The following WDFY4 variants were observed in gnomAD, a reference collection of about 807,000 sequenced individuals.
The protein encoded by WDFY4 is WD repeat- and FYVE domain-containing protein 4.
In WDFY4, 169 loss-of-function variants were observed where a neutral mutation model predicts 351.9. The observed-to-expected ratio is 0.48, with a 90% CI of 0.42 to 0.55. The LOEUF (loss-of-function observed/expected upper bound fraction) is 0.55. Ranked by LOEUF, WDFY4 falls within the 20% of genes least tolerant of loss-of-function variation. The probability of loss-of-function intolerance (pLI) is 0.00; values close to 1 mark genes in which losing one functional copy is unlikely to be tolerated. For synonymous variants in WDFY4, 1,622 were observed against 1,574.6 expected, an observed-to-expected ratio of 1.03 and a Z score of -0.71; for missense variants, 3,803 against 3,935.6, an observed-to-expected ratio of 0.97 and a Z score of 0.90.
intron 31 of WDFY4, among the ~76,000 whole-genome samples, chr10:48,816,426 G>A (rs1352196040): frequency 1.3e-5 from 2 of 152,174 alleles, no homozygotes; most frequent in South Asian, 4.1e-4. Flanking sequence ...ATTTTCTAAT[G>A]TCCATGTGGT....
intron 43 of WDFY4, 116 bp downstream of exon 43, chr10:48,877,315 T>G: frequency 1.0e-6 from 1 of 994,502 alleles, no homozygotes; most frequent in South Asian, 1.7e-5. Context: ...CCATTTGCTA[T>G]GAAAACTTTC....
chr10:48,953,407 G>A (rs565265303), intron 51 of WDFY4, among the ~76,000 whole-genome samples: 2 of 150,286 alleles, frequency 1.3e-5, no homozygotes, highest in East Asian at 4.0e-4. Flanking sequence ...ATAGACAAGG[G>A]CATGGGCGGT....
At chr10:48,735,289 A>G (rs2064618263) in intron 10 of WDFY4, among the ~76,000 whole-genome samples, 1 of 152,240 alleles carries the variant, frequency 6.6e-6, no homozygotes, top group African/African-American at 2.4e-5. Flanking sequence ...AAACAAAAAT[A>G]TATCACCTGT....
chr10:48,805,027 G>GA (rs1046917515), intron 25 of WDFY4, among the ~76,000 whole-genome samples: 37 of 152,098 alleles, frequency 2.4e-4, no homozygotes, highest in Non-Finnish European at 5.9e-5. Context: ...GTTTGTCTTT[G>GA]AAGGTGGTTT....
chr10:48,687,715 A>G (rs1267606049), intron 1 of WDFY4, among the ~76,000 whole-genome samples: 2 of 150,516 alleles, frequency 1.3e-5, no homozygotes, highest in South Asian at 2.1e-4. Flanking sequence ...CCCAGGTTCA[A>G]GCAATTATCC....
In WDFY4 at chr10:48,888,680, G is replaced by C. The variant is rs7079270; in HGVS notation, c.7168-1899G>C. Among the ~76,000 whole-genome samples the C allele has an allele frequency of 5.9e-3, 893 of 152,266 alleles. 9 individuals carry two copies. Among genetic ancestry groups the C allele is most frequent in the African/African-American group, 0.021 (857 of 41,546 alleles). ...ATCTTAGCCGTACTGACCACTTTCTGTTCCCCAAATCAGCCCTTCCTGCCT... is the reference window on the plus strand; with the variant it reads ...ATCTTAGCCGTACTGACCACTTTCTCTTCCCCAAATCAGCCCTTCCTGCCT... On this transcript the variant is annotated intron_variant, in intron 43 of 61. Coordinates refer to ENST00000325239, the MANE Select transcript of WDFY4 (RefSeq NM_001394531.1).
intron 39 of WDFY4, 94 bp downstream of exon 39, chr10:48,832,803 G>T (rs929845940): frequency 3.4e-5 from 47 of 1,391,844 alleles, no homozygotes; most frequent in Non-Finnish European, 4.2e-5. Context: ...TACTAGACAT[G>T]ATCTAACTCC....
At chr10:48,754,091 C>G (rs1320939857) in intron 12 of WDFY4, among the ~76,000 whole-genome samples, 6 of 152,038 alleles carry the variant, frequency 3.9e-5, no homozygotes, top group African/African-American at 1.4e-4. Flanking sequence ...GTTGAACCAC[C>G]CTTGCATTTC....
At chr10:48,864,010 C>T (rs1564427937) in intron 39 of WDFY4, among the ~76,000 whole-genome samples, 1 of 152,172 alleles carries the variant, frequency 6.6e-6, no homozygotes, top group Non-Finnish European at 1.5e-5. Context: ...GTTGCCTCCA[C>T]CTGGTCTCCC....
intron 45 of WDFY4, among the ~76,000 whole-genome samples, chr10:48,899,647 G>C (rs1033037006): frequency 1.3e-5 from 2 of 152,032 alleles, no homozygotes; most frequent in African/African-American, 4.8e-5. Flanking sequence ...GGAATAGAAG[G>C]GAGTTAGAGA....
intron 12 of WDFY4, among the ~76,000 whole-genome samples, chr10:48,750,414 T>C (rs2132460517): frequency 6.6e-6 from 1 of 152,346 alleles, no homozygotes; most frequent in South Asian, 2.1e-4. Flanking sequence ...TGTTTCAGAC[T>C]CAGATTTCAC....
At chr10:48,948,851 G>A (rs896524735) in intron 51 of WDFY4, among the ~76,000 whole-genome samples, 1 of 152,184 alleles carries the variant, frequency 6.6e-6, no homozygotes, top group African/African-American at 2.4e-5. Flanking sequence ...GGTCTCCTCT[G>A]GTTTAAGCTA....
intron 45 of WDFY4, among the ~76,000 whole-genome samples, 176 bp downstream of exon 45, chr10:48,897,750 A>G (rs980547147): frequency 6.6e-6 from 1 of 152,250 alleles, no homozygotes; most frequent in Non-Finnish European, 1.5e-5. Flanking sequence ...CCCTGGTCCC[A>G]GGTGGGAGTT....
At chr10:48,936,480 GAA>G (rs1234268634) in intron 47 of WDFY4, among the ~76,000 whole-genome samples, 2 of 152,104 alleles carry the variant, frequency 1.3e-5, no homozygotes, top group African/African-American at 4.8e-5. Context: ...ATCAATATTT[GAA>G]AGAGGAAAAT....
intron 47 of WDFY4, among the ~76,000 whole-genome samples, chr10:48,917,163 T>C (rs887571424): frequency 6.6e-6 from 1 of 152,186 alleles, no homozygotes; most frequent in African/African-American, 2.4e-5. Context: ...TAGGTTTGTG[T>C]AAGTGCACTC....
chr10:48,757,365 T>C lies in WDFY4; in HGVS notation c.2460-2982T>C, dbSNP rs77744862. Among the ~76,000 whole-genome samples the C allele has an allele frequency of 6.0e-4, 91 of 152,246 alleles. 1 individual carries two copies. Among genetic ancestry groups the C allele is most frequent in the Non-Finnish European group, 7.5e-4 (51 of 67,944 alleles). ...TATGTCTCTTTTAATCATCATATCA[T>C]ATAATCTGTTTATTATGAGTCATTT... is the stretch of plus-strand genomic sequence containing the variant. On this transcript the variant is annotated intron_variant, in intron 12 of 61. Transcript: ENST00000325239.
intron 19 of WDFY4, among the ~76,000 whole-genome samples, chr10:48,781,861 A>G (rs866727033): frequency 1.2e-4 from 19 of 152,356 alleles, no homozygotes; most frequent in Non-Finnish European, 2.5e-4. Flanking sequence ...AGAATTATTT[A>G]TGCTTATAAG....
rs1394885508 is a variant in WDFY4 at position 48,850,740 on chromosome 10, C to T, written c.6664-16525C>T. Reference sequence around the variant, plus strand: ...CACTCAGCGACACTGGCTCATGGTGCAGCCACTATCTAGAACATTGAGTGT... The same window carrying T: ...CACTCAGCGACACTGGCTCATGGTGTAGCCACTATCTAGAACATTGAGTGT... On this transcript the variant is annotated intron_variant, in intron 39 of 61. Coordinates refer to ENST00000325239, the MANE Select transcript of WDFY4 (RefSeq NM_001394531.1). 4.6e-5 allele frequency among the ~76,000 whole-genome samples: 7 copies of T among 152,206 alleles called. No homozygotes were observed. The East Asian group carries it at 1.3e-3, about 29-fold the overall frequency.
Position 48,913,810 on chromosome 10 carries a change from C to G in WDFY4, c.7586+11947C>G, listed in dbSNP as rs1388259938. On this transcript the variant is annotated intron_variant, in intron 47 of 61. Coordinates refer to ENST00000325239, the MANE Select transcript of WDFY4 (RefSeq NM_001394531.1). The stretch of plus-strand genomic sequence containing the variant: ...CGGATGTTCTTGAGTTGCTTCAGCT[C>G]CACGGGCAGCCCGTTGCTGGTCAGC... 1.9e-6 allele frequency: 3 copies of G among 1,613,988 alleles called. No individual in the cohort carries two copies. Among genetic ancestry groups the G allele is most frequent in the Non-Finnish European group, 2.5e-6 (3 of 1,180,034 alleles).
Sources: allele counts gnomAD v4.1 joint callset (sites outside exome capture counted in the v4.1 genomes callset), GRCh38; gene constraint gnomAD v4.1.1; transcripts MANE v1.5; gene names NCBI Gene and HGNC (gene_info 2026-07-23, HGNC 2026-07-21).